The following CCSER2 variants were observed in gnomAD, a reference collection of about 807,000 sequenced individuals.
CCSER2 encodes the protein coiled-coil serine rich protein 2.
In CCSER2, 46 loss-of-function variants were observed where a neutral mutation model predicts 92.3. That is an observed-to-expected ratio of 0.50 (90% confidence interval 0.39 to 0.64). The LOEUF (loss-of-function observed/expected upper bound fraction) is 0.64. Ranked by LOEUF, CCSER2 falls within the 30% of genes least tolerant of loss-of-function variation. The pLI, the probability that CCSER2 is intolerant of heterozygous loss-of-function variation, is 0.00. For missense variants in CCSER2, 1,244 were observed against 1,238.9 expected (o/e 1.00, Z -0.06); for synonymous variants, 433 against 431.4 (o/e 1.00, Z -0.04).
At chr10:84,511,171 G>A (rs1403906099) in intron 9 of CCSER2, among the ~76,000 whole-genome samples, 1 of 152,014 alleles carries the variant, frequency 6.6e-6, no homozygotes, top group Non-Finnish European at 1.5e-5. Context: ...TCAACATTTT[G>A]TTATTCTTTA....
At chr10:84,396,549 C>G (rs1841851344) in intron 3 of CCSER2, among the ~76,000 whole-genome samples, 2 of 151,934 alleles carry the variant, frequency 1.3e-5, no homozygotes, top group African/African-American at 4.8e-5. Context: ...TTGGGTTCTG[C>G]CCACATCGTG....
At chr10:84,343,504 C>T (rs1844317286) in intron 1 of CCSER2, among the ~76,000 whole-genome samples, 1 of 152,094 alleles carries the variant, frequency 6.6e-6, no homozygotes, top group Non-Finnish European at 1.5e-5. Flanking sequence ...TTGGTTATAG[C>T]CAGTAGGAAC....
intron 3 of CCSER2, among the ~76,000 whole-genome samples, chr10:84,374,526 A>G (rs944141188): frequency 6.6e-6 from 1 of 152,136 alleles, no homozygotes; most frequent in Non-Finnish European, 1.5e-5. Context: ...GCCTGCAGGC[A>G]ACACTTGGCA....
intron 3 of CCSER2, among the ~76,000 whole-genome samples, chr10:84,405,563 A>G (rs1472093006): frequency 6.6e-6 from 1 of 152,218 alleles, no homozygotes; most frequent in Non-Finnish European, 1.5e-5. Flanking sequence ...CATATCTGTC[A>G]AAAGACTTTT....
rs1020580083 is a variant in CCSER2 at position 84,426,010 on chromosome 10, A to G, written c.1868+117A>G. The G allele has an allele frequency of 7.0e-6, 4 of 574,354 alleles. No homozygotes were observed. The African/African-American group carries it at 7.7e-5, about 11-fold the overall frequency. The allele number at this position is 574,354 out of a possible 1,614,324, so 35.6% of individuals were successfully genotyped here. A position where few individuals can be genotyped will look rare whatever the true frequency, so the allele number is the denominator to read the frequency against. On this transcript the variant is annotated intron_variant, in intron 5 of 9. Transcript: ENST00000372088. ...TGTCTGGTTTGTTTTTAGAGGCACCAAAAAGCACTTCAAGTTTTATGTGGT... is the reference window on the plus strand; with the variant it reads ...TGTCTGGTTTGTTTTTAGAGGCACCGAAAAGCACTTCAAGTTTTATGTGGT...
chr10:84,499,921 A>G, intron 9 of CCSER2: 2 of 1,613,794 alleles, frequency 1.2e-6, no homozygotes, highest in Non-Finnish European at 8.5e-7. Flanking sequence ...GGCTCCTTCC[A>G]GGGGATCCCA....
In CCSER2 at chr10:84,438,542, T is replaced by A; in HGVS notation, c.1899T>A (p.Gly633=). The change falls in exon 6 of 10, where the codon GGT becomes GGA. Residue 633 remains glycine (G), a synonymous_variant. Coordinates refer to ENST00000372088, the MANE Select transcript of CCSER2 (RefSeq NM_001284240.2). ...CTCCCTATAGAGAATCTCCTTTGGG[T>A]CATTTTGAAAGCTATGGAGGGATGC... is the stretch of plus-strand genomic sequence containing the variant. ...RGSPYRESPL[G]HFESYGGMPF... is the part of the protein sequence containing the mutation. 3 of 1,612,298 alleles carry A rather than the reference T, an allele frequency of 1.9e-6. No individual in the cohort carries two copies. The highest frequency in any genetic ancestry group is 1.1e-5 in the South Asian group (1 of 90,762).
intron 1 of CCSER2, among the ~76,000 whole-genome samples, chr10:84,350,262 A>G (rs1436431420): frequency 6.6e-6 from 1 of 152,208 alleles, no homozygotes; most frequent in East Asian, 1.9e-4. Flanking sequence ...ACTCTTCTTT[A>G]GTCCACAACT....
Position 84,371,787 on chromosome 10 carries a change from T to C in CCSER2, c.735T>C (p.Asn245=), listed in dbSNP as rs1468669588. ...PSSITRSHSF[N]RAVDLTKPYQ... is the part of the protein sequence containing the mutation. ...CTATAACCAGATCACATTCCTTTAATAGAGCTGTGGATCTTACAAAGCCTT... is the reference window on the plus strand; with the variant it reads ...CTATAACCAGATCACATTCCTTTAACAGAGCTGTGGATCTTACAAAGCCTT... Residue 245 remains asparagine (N), a synonymous_variant, in exon 2 of 10, where the codon AAT becomes AAC. Transcript: ENST00000372088. 6.2e-7 allele frequency: 1 copy of C among 1,613,812 alleles called. No homozygotes were observed. The highest frequency in any genetic ancestry group is 1.1e-5 in the South Asian group (1 of 91,068).
chr10:84,338,782 G>T (rs766908299), intron 1 of CCSER2, among the ~76,000 whole-genome samples: 42 of 151,952 alleles, frequency 2.8e-4, no homozygotes, highest in Non-Finnish European at 5.6e-4. Flanking sequence ...TCATTTTACT[G>T]TAACTGCTTA....
chr10:84,453,416 C>T (rs1845416487), intron 6 of CCSER2, among the ~76,000 whole-genome samples: 1 of 152,132 alleles, frequency 6.6e-6, no homozygotes. Context: ...CAAATGCGAC[C>T]ATTTAAAAAT....
At chr10:84,354,622 T>C (rs1362462607) in intron 1 of CCSER2, among the ~76,000 whole-genome samples, 1 of 144,792 alleles carries the variant, frequency 6.9e-6, no homozygotes, top group Non-Finnish European at 1.5e-5. Flanking sequence ...CTCCTTGTTG[T>C]ACATCTTCTC....
intron 4 of CCSER2, 42 bp from the exon 5 acceptor site, chr10:84,425,682 TTATGGAG>T (rs759127044): frequency 2.2e-5 from 29 of 1,332,704 alleles, no homozygotes; most frequent in Non-Finnish European, 2.8e-5. Flanking sequence ...GAGTCAACTT[TTATGGAG>T]TATGTACATG....
intron 1 of CCSER2, among the ~76,000 whole-genome samples, chr10:84,342,740 T>C (rs1262288793): frequency 6.6e-6 from 1 of 152,268 alleles, no homozygotes; most frequent in African/African-American, 2.4e-5. Flanking sequence ...CATTTTACTT[T>C]TGCTTCCTCT....
At chr10:84,359,801 CT>C (rs1845399347) in intron 1 of CCSER2, among the ~76,000 whole-genome samples, 1 of 151,774 alleles carries the variant, frequency 6.6e-6, no homozygotes, top group Non-Finnish European at 1.5e-5. Flanking sequence ...TTGGGGTTTA[CT>C]TTTTTATTTT....
chr10:84,452,500 CCTAATTGCATT>C (rs575803710), intron 6 of CCSER2, among the ~76,000 whole-genome samples: 281 of 152,252 alleles, frequency 1.8e-3, no homozygotes, highest in African/African-American at 6.5e-3. Context: ...GTATTAGCAT[CCTAATTGCATT>C]CAGAGTTCAG....
At chr10:84,377,534 G>A (rs1355393112) in intron 3 of CCSER2, among the ~76,000 whole-genome samples, 1 of 151,858 alleles carries the variant, frequency 6.6e-6, no homozygotes, top group Non-Finnish European at 1.5e-5. Flanking sequence ...TTTCATTATC[G>A]TAGCTTTAAA....
At chr10:84,425,620 T>C in intron 4 of CCSER2, 111 bp from the exon 5 acceptor site, 1 of 693,194 alleles carries the variant, frequency 1.4e-6, no homozygotes, top group Non-Finnish European at 2.1e-6. Context: ...TGGCTGATAT[T>C]TTTAAACTAT....
intron 3 of CCSER2, among the ~76,000 whole-genome samples, chr10:84,396,979 A>T (rs187609803): frequency 4.5e-4 from 68 of 152,364 alleles, no homozygotes; most frequent in African/African-American, 1.6e-3. Context: ...TGACTATGCT[A>T]GTATAGAGCA....
Sources: allele counts gnomAD v4.1 joint callset (sites outside exome capture counted in the v4.1 genomes callset), GRCh38; gene constraint gnomAD v4.1.1; transcripts MANE v1.5; gene names NCBI Gene and HGNC (gene_info 2026-07-23, HGNC 2026-07-21).